Variants in MYH15 observed in about 807,000 individuals in gnomAD.
MYH15 encodes the protein myosin heavy chain 15.
A neutral mutation model predicts 240.5 loss-of-function variants in MYH15; 227 were observed. The observed-to-expected ratio is 0.94, with a 90% CI of 0.85 to 1.05. MYH15 has a LOEUF of 1.05. Among genes scored for constraint, MYH15 ranks in the 50% least tolerant of loss-of-function variants. The pLI, the probability that MYH15 is intolerant of heterozygous loss-of-function variation, is 0.00. For missense variants in MYH15, 2,217 were observed against 2,247.5 expected (o/e 0.99, Z 0.27); for synonymous variants, 785 against 796.7 (o/e 0.99, Z 0.25).
chr3:108,398,902 C>G, intron 34 of MYH15, 62 bp from the exon 35 acceptor site: 10 of 1,511,822 alleles, frequency 6.6e-6, no homozygotes, highest in Non-Finnish European at 9.2e-6. Flanking sequence ...GACTATGCAC[C>G]TACACATGCA....
At chr3:108,529,398 A>G (rs888003892), upstream of MYH15, 2 of 698,330 alleles carry the variant, frequency 2.9e-6, no homozygotes, top group Non-Finnish European at 4.9e-6. Flanking sequence ...AAATCTGTGA[A>G]TAAAGAGGTG....
intron 25 of MYH15, 75 bp downstream of exon 25, chr3:108,437,479 A>T: frequency 6.5e-7 from 1 of 1,535,086 alleles, no homozygotes; most frequent in South Asian, 1.3e-5. Flanking sequence ...AGTCCTAAGG[A>T]TAAATGAAAT....
Position 108,470,188 on chromosome 3 carries a change from T to C in MYH15, c.1408A>G (p.Ile470Val), listed in dbSNP as rs1012927501. 3.7e-6 allele frequency: 6 copies of C among 1,608,954 alleles called. No individual in the cohort carries two copies. The African/African-American group carries it at 8.1e-5, about 22-fold the overall frequency. ...LEYNSLEQLC[I>V]NFTNEKLQQF... ...TGTAATTTTTCATTGGTAAAATTAATGCAAAGTTGCTCAAGGCTATTATAC... is the reference window on the plus strand; with the variant it reads ...TGTAATTTTTCATTGGTAAAATTAACGCAAAGTTGCTCAAGGCTATTATAC... Residue 470 changes from isoleucine to valine, a missense_variant, in exon 14 of 41, where the codon ATT becomes GTT. Transcript: ENST00000693548.
At chr3:108,395,522 A>G (rs946917585) in intron 35 of MYH15, among the ~76,000 whole-genome samples, 3 of 152,208 alleles carry the variant, frequency 2.0e-5, no homozygotes, top group Admixed American at 1.3e-4. Flanking sequence ...AGAGGAAGGT[A>G]TAAGTACAAA....
At chr3:108,541,980 T>A in the MYH15 span, among the ~76,000 whole-genome samples, 1 of 152,112 alleles carries the variant, frequency 6.6e-6, no homozygotes, top group African/African-American at 2.4e-5. Context: ...TAAGAATACA[T>A]AAGAAATCTG....
chr3:108,536,352 T>C, the MYH15 span, among the ~76,000 whole-genome samples: 1 of 152,234 alleles, frequency 6.6e-6, no homozygotes, highest in Non-Finnish European at 1.5e-5. Flanking sequence ...TTGTATCTAT[T>C]TTCTTTTATT....
intron 6 of MYH15, among the ~76,000 whole-genome samples, chr3:108,496,459 G>A (rs1160165013): frequency 6.6e-6 from 1 of 152,068 alleles, no homozygotes; most frequent in Non-Finnish European, 1.5e-5. Flanking sequence ...TGGCTTTGTT[G>A]TTTTCCAGTC....
rs2082912614 is a variant in MYH15 at position 108,444,700 on chromosome 3, C to T, written c.2595G>A (p.Leu865=). ...LEKSEFQREE[L]KAKQVSLTQE... ...GAGTGAGGGATACTTGCTTTGCTTT[C>T]AGTTCCTCCCTCTGAAACTCTGATT... Residue 865 remains leucine, a synonymous_variant, in exon 22 of 41, where the codon CTG becomes CTA. Coordinates refer to ENST00000693548, the MANE Select transcript of MYH15 (RefSeq NM_014981.3). The T allele has an allele frequency of 1.9e-6, 3 of 1,613,906 alleles. No individual in the cohort carries two copies. The highest frequency in any genetic ancestry group is 1.1e-5 in the South Asian group (1 of 91,078).
At chr3:108,435,970 G>C (rs544003725) in intron 25 of MYH15, among the ~76,000 whole-genome samples, 95 of 151,628 alleles carry the variant, frequency 6.3e-4, no homozygotes, top group African/African-American at 1.7e-3. Context: ...GCTTTGTTTT[G>C]ACATTGAGTT....
chr3:108,540,808 G>T, the MYH15 span, among the ~76,000 whole-genome samples: 1 of 151,916 alleles, frequency 6.6e-6, no homozygotes, highest in African/African-American at 2.4e-5. Flanking sequence ...TTTAAAACTT[G>T]GATATGAAAA....
chr3:108,482,382 A>G (rs752768829), intron 11 of MYH15, among the ~76,000 whole-genome samples: 1 of 152,194 alleles, frequency 6.6e-6, no homozygotes, highest in Non-Finnish European at 1.5e-5. Context: ...AGGGAAGATA[A>G]GGAAGCTCCA....
rs1219568383 is a variant in MYH15, at chr3:108,410,719, C to A, written c.4359G>T (p.Glu1453Asp). ...KALADWKQKH[E>D]ESQALLDASQ... ...AGGCATCCAGCAACGCCTGGGACTC[C>A]TCGTGCTTCTGCTTCCAGTCGGCAA... Residue 1453 changes from glutamate to aspartate, a missense_variant, in exon 31 of 41, where the codon GAG (glutamate) becomes GAT (aspartate). Physicochemically the swap from Glu to Asp is conservative, Grantham distance 45. Transcript: ENST00000693548. 1 of 1,614,184 alleles carries A rather than the reference C, an allele frequency of 6.2e-7. No homozygotes were observed.
At chr3:108,501,447 A>G (rs987616495) in intron 3 of MYH15, among the ~76,000 whole-genome samples, 9 of 152,246 alleles carry the variant, frequency 5.9e-5, no homozygotes, top group Non-Finnish European at 1.0e-4. Flanking sequence ...AAACTTAACA[A>G]CTAGTAAGTG....
intron 10 of MYH15, among the ~76,000 whole-genome samples, chr3:108,485,467 C>T (rs1163150590): frequency 6.6e-6 from 1 of 152,204 alleles, no homozygotes; most frequent in African/African-American, 2.4e-5. Context: ...AGTTTTAGAA[C>T]TTTCCTTCAA....
chr3:108,494,516 G>T, intron 7 of MYH15, among the ~76,000 whole-genome samples: 1 of 150,082 alleles, frequency 6.7e-6, no homozygotes, highest in African/African-American at 2.5e-5. Flanking sequence ...TTTCTTTAAG[G>T]CAAATTCCTA....
At chr3:108,488,957 C>A (rs971302167) in intron 9 of MYH15, among the ~76,000 whole-genome samples, 1 of 150,840 alleles carries the variant, frequency 6.6e-6, no homozygotes, top group Non-Finnish European at 1.5e-5. Context: ...TTATCTCTTG[C>A]CTTCTGATAG....
chr3:108,505,605 A>T (rs545274655), intron 2 of MYH15, 118 bp downstream of exon 2: 337 of 484,946 alleles, frequency 6.9e-4, no homozygotes, highest in Non-Finnish European at 1.1e-3. Context: ...AATGACTCCG[A>T]AGTGAGTCAG....
chr3:108,381,515 C>T lies in MYH15; in HGVS notation c.*30G>A, dbSNP rs2082343283. The T allele has an allele frequency of 6.2e-7, 1 of 1,612,486 alleles. No individual in the cohort carries two copies. On this transcript the variant is annotated 3_prime_UTR_variant, in exon 41 of 41. Coordinates refer to ENST00000693548, the MANE Select transcript of MYH15 (RefSeq NM_014981.3). ...GAAACAGCACCTTCCTTGTACTTCTCCAGCTGTTGTCCTTTCAAAGCAGGG... is the reference window on the plus strand; with the variant it reads ...GAAACAGCACCTTCCTTGTACTTCTTCAGCTGTTGTCCTTTCAAAGCAGGG...
At chr3:108,498,842 T>C (rs956670237) in intron 5 of MYH15, among the ~76,000 whole-genome samples, 2 of 152,226 alleles carry the variant, frequency 1.3e-5, no homozygotes, top group South Asian at 4.1e-4. Flanking sequence ...CATCATTGCA[T>C]GGGAAGGTAA....
Sources: gnomAD v4.1 joint callset for allele counts (sites outside exome capture counted in the v4.1 genomes callset) on GRCh38, gnomAD v4.1.1 for gene constraint, MANE v1.5 for transcripts, NCBI Gene and HGNC (gene_info 2026-07-23, HGNC 2026-07-21) for gene names.